The following INSRR variants were observed in gnomAD, a reference collection of about 807,000 sequenced individuals.
INSRR encodes the protein insulin receptor related receptor.
A neutral mutation model predicts 130.0 loss-of-function variants in INSRR; 114 were observed. That is an observed-to-expected ratio of 0.88 (90% CI 0.75 to 1.02). The LOEUF (loss-of-function observed/expected upper bound fraction) is 1.02, where lower values mean the gene tolerates loss of function less well. INSRR is among the 50% of genes least tolerant of loss of function. The pLI is 0.00. For missense variants in INSRR, 1,657 were observed against 1,735.2 expected, an observed-to-expected ratio of 0.95 and a Z score of 0.80; for synonymous variants, 674 against 705.2, an observed-to-expected ratio of 0.96 and a Z score of 0.70.
intron 17 of INSRR, 65 bp from the exon 18 acceptor site, chr1:156,842,573 A>G: frequency 8.2e-7 from 1 of 1,214,818 alleles, no homozygotes; most frequent in Admixed American, 1.8e-5. Context: ...CAAAATTCTG[A>G]TCTGCTATGA....
At chr1:156,844,914 A>G in intron 12 of INSRR, 71 bp from the exon 13 acceptor site, 1 of 1,595,736 alleles carries the variant, frequency 6.3e-7, no homozygotes, top group Non-Finnish European at 8.6e-7. Flanking sequence ...CCCAAGCTAA[A>G]CTGGGCTGAG....
chr1:156,845,875 C>T (rs577172324), intron 9 of INSRR, 61 bp from the exon 10 acceptor site: 23 of 1,599,940 alleles, frequency 1.4e-5, no homozygotes, highest in African/African-American at 5.4e-5. Flanking sequence ...TGATCCCCCC[C>T]ACCTGCCGGG....
intron 8 of INSRR, 115 bp downstream of exon 8, chr1:156,846,404 C>T: frequency 3.4e-6 from 3 of 889,992 alleles, no homozygotes; most frequent in Non-Finnish European, 5.2e-6. Flanking sequence ...TCTGGCCTTC[C>T]AGCCTCTGTG....
intron 5 of INSRR, 107 bp from the exon 6 acceptor site, chr1:156,849,567 AG>A: frequency 1.3e-6 from 1 of 779,208 alleles, no homozygotes; most frequent in Non-Finnish European, 2.1e-6. Flanking sequence ...GCCCGGGGAG[AG>A]GGGCACTCAG....
chr1:156,853,187 C>T (rs986703655), intron 2 of INSRR, among the ~76,000 whole-genome samples: 1 of 152,158 alleles, frequency 6.6e-6, no homozygotes, highest in Non-Finnish European at 1.5e-5. Context: ...CTCCTGCTCA[C>T]CCCCAACCTC....
chr1:156,840,994 G>A lies in INSRR; in HGVS notation c.3773C>T (p.Ser1258Phe). 6.2e-7 allele frequency: 1 copy of A among 1,613,116 alleles called. No homozygotes were observed. Among genetic ancestry groups the A allele is most frequent in the South Asian group, 1.1e-5 (1 of 90,820 alleles). Residue 1258 changes from serine (S) to phenylalanine (F), a missense_variant, in exon 22 of 22, where the codon TCC becomes TTC. Transcript: ENST00000368195. Reference protein sequence around the residue: ...EELRPSFRLLSFYYSPECRGA... With the variant: ...EELRPSFRLLFFYYSPECRGA... ...CCGGCATTCCGGGCTGTAGTAGAAGGAGAGGAGGCGGAAGGAGGGCCGCAG... is the reference window on the plus strand; with the variant it reads ...CCGGCATTCCGGGCTGTAGTAGAAGAAGAGGAGGCGGAAGGAGGGCCGCAG...
Position 156,846,078 on chromosome 1 carries a change from A to G in INSRR, c.1852T>C (p.Ser618Pro), listed in dbSNP as rs768108567. 1.2e-6 allele frequency: 2 copies of G among 1,610,858 alleles called. No homozygotes were observed. Among genetic ancestry groups the G allele is most frequent in the South Asian group, 2.2e-5 (2 of 90,696 alleles). The change falls in exon 9 of 22, where the codon TCC becomes CCC. Residue 618 changes from serine (S) to proline (P), a missense_variant. Coordinates refer to ENST00000368195, the MANE Select transcript of INSRR (RefSeq NM_014215.3). ...TTCCAGCGCACCAGGAGGTGGGAGGAGGAGTTGGACGTGGAGATGACGTCT... is the reference window on the plus strand; with the variant it reads ...TTCCAGCGCACCAGGAGGTGGGAGGGGGAGTTGGACGTGGAGATGACGTCT... The part of the protein sequence containing the change: ...PQDVISTSNS[S>P]SHLLVRWKPP...
At position 156,840,804 on chromosome 1, in the gene INSRR, G is replaced by C. The variant is rs751986902; in HGVS notation, c.*69C>G. 8.2e-6 allele frequency: 10 copies of C among 1,217,852 alleles called. No individual in the cohort carries two copies. The Admixed American group carries it at 9.8e-5, about 12-fold the overall frequency. The allele number at this position is 1,217,852 out of a possible 1,614,324, so 75.4% of individuals were successfully genotyped here. On this transcript the variant is annotated 3_prime_UTR_variant, in exon 22 of 22. Coordinates refer to ENST00000368195, the MANE Select transcript of INSRR (RefSeq NM_014215.3). ...TTGGGGTGGGGGTGAACATTCAGGC[G>C]TCTCAGCCACAGAGGTCGGGTCCCT...
Position 156,845,254 on chromosome 1 carries a change from C to G in INSRR, c.2259G>C (p.Leu753=). The G allele has an allele frequency of 6.2e-7, 1 of 1,611,600 alleles. No individual in the cohort carries two copies. ...TCTCGAAATCCGAGCTGTTGCCCCC[C>G]AGCCGGAGGGGCCCAGCTGCCCGGC... ...RHRRAAGPLR[L]GGNSSDFEIQ... Residue 753 remains leucine (L), a synonymous_variant, in exon 12 of 22, where the codon CTG becomes CTC. Coordinates refer to ENST00000368195, the MANE Select transcript of INSRR (RefSeq NM_014215.3).
At chr1:156,846,210 C>G (rs550517546) in intron 8 of INSRR, 91 bp from the exon 9 acceptor site, 6 of 1,313,214 alleles carry the variant, frequency 4.6e-6, no homozygotes, top group Non-Finnish European at 6.2e-6. Flanking sequence ...GGTCCAACAG[C>G]CTTGTTCTCC....
In INSRR at chr1:156,851,683, A is replaced by G. The variant is rs1488341681; in HGVS notation, c.1047T>C (p.His349=). Residue 349 remains histidine, a synonymous_variant, in exon 4 of 22, where the codon CAT becomes CAC. Coordinates refer to ENST00000368195, the MANE Select transcript of INSRR (RefSeq NM_014215.3). ...GGTTGAGGATGAGGCTTCCCTCCAC[A>G]TGCGTGCAGCCCACAAGATCCTGTG... ...QAAQDLVGCT[H]VEGSLILNLR... 7 of 1,614,084 alleles carry G rather than the reference A, an allele frequency of 4.3e-6. No homozygotes were observed. The highest frequency in any genetic ancestry group is 1.1e-5 in the South Asian group (1 of 91,084).
Position 156,845,629 on chromosome 1 carries a change from T to C in INSRR, c.2164A>G (p.Thr722Ala). 1 of 1,512,588 alleles carries C rather than the reference T, an allele frequency of 6.6e-7. No homozygotes were observed. The highest frequency in any genetic ancestry group is 8.9e-7 in the Non-Finnish European group (1 of 1,120,134). 93.7% of individuals were successfully genotyped at this position (1,512,588 alleles called of 1,614,324 possible). ...KFENFLHNAITIPISPWKVTS... is the reference protein window; with the variant it reads ...KFENFLHNAIAIPISPWKVTS... ...GCGCGCTCTTCGCACATGGGGATGG[T>C]GATCGCGTTGTGTAGAAAGTTTTCA... is the stretch of plus-strand genomic sequence containing the variant. The change falls in exon 10 of 22, where the codon ACC becomes GCC. Residue 722 changes from threonine to alanine, a missense_variant. Physicochemically the swap from Thr to Ala is moderately conservative, Grantham distance 58. Coordinates refer to ENST00000368195, the MANE Select transcript of INSRR (RefSeq NM_014215.3).
Position 156,844,250 on chromosome 1 carries a change from A to G in INSRR, c.2768T>C (p.Leu923Pro). 1 of 1,613,888 alleles carries G rather than the reference A, an allele frequency of 6.2e-7. No homozygotes were observed. Among genetic ancestry groups the G allele is most frequent in the Non-Finnish European group, 8.5e-7 (1 of 1,179,928 alleles). Residue 923 changes from leucine (L) to proline (P), a missense_variant, in exon 15 of 22, where the codon CTC becomes CCC. Coordinates refer to ENST00000368195, the MANE Select transcript of INSRR (RefSeq NM_014215.3). Reference protein sequence around the residue: ...EEEDAGGLHVLLTATPVGLTL... With the variant: ...EEEDAGGLHVPLTATPVGLTL... ...GAGCCCCACAGGGGTGGCAGTGAGG[A>G]GGACATGCAGCCCCCCAGCATCCTC...
At chr1:156,851,129 T>C in intron 5 of INSRR, 161 bp downstream of exon 5, 2 of 769,200 alleles carry the variant, frequency 2.6e-6, no homozygotes, top group Non-Finnish European at 4.6e-6. Context: ...AGCCCTATTT[T>C]ACAGATGAGA....
In INSRR at chr1:156,842,071, TACTTTTCA is replaced by T. The variant is rs1486415390; in HGVS notation, c.3397+33_3397+40del. 4 of 1,612,004 alleles carry T rather than the reference TACTTTTCA, an allele frequency of 2.5e-6. No homozygotes were observed. In the Admixed American group the frequency reaches 6.7e-5, roughly 27 times the overall value. ...GATGCCTAGCTTAAGGGAGTCTCTC[TACTTTTCA>T]GGCCGCCCTCATCTGCCTGGCACCC... On this transcript the variant is annotated intron_variant, in intron 19 of 21. Coordinates refer to ENST00000368195, the MANE Select transcript of INSRR (RefSeq NM_014215.3).
Position 156,844,162 on chromosome 1 carries a change from G to T in INSRR, c.2843+13C>A, listed in dbSNP as rs757161901. 2 of 1,595,646 alleles carry T rather than the reference G, an allele frequency of 1.3e-6. No individual in the cohort carries two copies. The highest frequency in any genetic ancestry group is 1.7e-6 in the Non-Finnish European group (2 of 1,164,074). ...GAGAAAAGGGGGTGGGGACCGGTGG[G>T]ACTTATCATCACCTCTTCTTGCCGT... On this transcript the variant is annotated intron_variant, in intron 15 of 21. Transcript: ENST00000368195.
chr1:156,845,541 A>ACCCCCCCCCCC, intron 10 of INSRR, 78 bp downstream of exon 10: 1 of 1,288,352 alleles, frequency 7.8e-7, no homozygotes, highest in Non-Finnish European at 1.1e-6. Context: ...CCACCCACAA[A>ACCCCCCCCCCC]CCCCACCCCT....
chr1:156,845,988 C>T lies in INSRR; in HGVS notation c.1942G>A (p.Asp648Asn). The T allele has an allele frequency of 6.2e-7, 1 of 1,613,788 alleles. No homozygotes were observed. The highest frequency in any genetic ancestry group is 1.1e-5 in the South Asian group (1 of 91,034). Residue 648 changes from aspartate (D) to asparagine (N), a missense_variant, in exon 9 of 22, where the codon GAC becomes AAC. Coordinates refer to ENST00000368195, the MANE Select transcript of INSRR (RefSeq NM_014215.3). ...TAGTCATTGAGGTAGAGGTCGCCGT[C>T]CTCTGCCAGCCGCTGCCACAGCACC... ...YLVLWQRLAE[D>N]GDLYLNDYCH...
chr1:156,840,753 C>T lies in INSRR; in HGVS notation c.*120G>A. ...CCTTCCCTGCTCCTGTTCTCTGCCC[C>T]ACCCTCGGCCATCCCTTGCCCTGAG... On this transcript the variant is annotated 3_prime_UTR_variant, in exon 22 of 22. Coordinates refer to ENST00000368195, the MANE Select transcript of INSRR (RefSeq NM_014215.3). 2.6e-6 allele frequency: 2 copies of T among 764,494 alleles called. No individual in the cohort carries two copies. The highest frequency in any genetic ancestry group is 4.4e-6 in the Non-Finnish European group (2 of 451,844). 47.4% of individuals were successfully genotyped at this position (764,494 alleles called of 1,614,324 possible).
Sources: gnomAD v4.1 joint callset for allele counts (sites outside exome capture counted in the v4.1 genomes callset) on GRCh38, gnomAD v4.1.1 for gene constraint, MANE v1.5 for transcripts, NCBI Gene and HGNC (gene_info 2026-07-23, HGNC 2026-07-21) for gene names.